The following CSF2RA variants were observed in gnomAD, a reference collection of about 807,000 sequenced individuals.
The protein encoded by CSF2RA is granulocyte-macrophage colony-stimulating factor receptor subunit alpha.
A neutral mutation model predicts 51.6 loss-of-function variants in CSF2RA; 42 were observed. The ratio of observed to expected loss-of-function variants is 0.81; its 90% CI spans 0.64 to 1.05. The LOEUF (loss-of-function observed/expected upper bound fraction) is 1.05, where lower values mean the gene tolerates loss of function less well. CSF2RA is among the 50% of genes least tolerant of loss of function. The pLI, the probability that CSF2RA is intolerant of heterozygous loss-of-function variation, is 0.00. For missense variants in CSF2RA, 530 were observed against 501.1 expected (o/e 1.06, Z -0.55); for synonymous variants, 222 against 193.0 (o/e 1.15, Z -1.24).
At chrX:1,291,522 G>A (rs1309123939) in intron 7 of CSF2RA, among the ~76,000 whole-genome samples, 5 of 151,644 alleles carry the variant, frequency 3.3e-5, no homozygotes, top group African/African-American at 4.8e-5. Context: ...AGTCCCATAT[G>A]CCCACACGCT....
At position 1,309,581 on chromosome X, in the gene CSF2RA, T is replaced by G. The variant is rs781215551; in HGVS notation, c.*102T>G. 2 of 1,613,910 alleles carry G rather than the reference T, an allele frequency of 1.2e-6. No individual in the cohort carries two copies. The highest frequency in any genetic ancestry group is 1.7e-5 in the Admixed American group (1 of 59,996). On this transcript the variant is annotated 3_prime_UTR_variant, in exon 13 of 13. Coordinates refer to ENST00000381529, the MANE Select transcript of CSF2RA (RefSeq NM_172245.4). ...GAACCTTTATATCATTTTCTATGTT[T>G]TTATTTAAAAACATGACATTTGGGG... is the stretch of plus-strand genomic sequence containing the variant.
chrX:1,304,861 C>T (rs757723099), intron 11 of CSF2RA, among the ~76,000 whole-genome samples: 6 of 150,204 alleles, frequency 4.0e-5, no homozygotes, highest in Non-Finnish European at 8.9e-5. Context: ...GATGGGGTTT[C>T]ACCACGTTGG....
chrX:1,317,691 T>C, the CSF2RA span, among the ~76,000 whole-genome samples: 23 of 151,142 alleles, frequency 1.5e-4, no homozygotes, highest in Middle Eastern at 3.4e-3. Context: ...CACAGAAGCC[T>C]TCAGAATGAA....
downstream of CSF2RA, among the ~76,000 whole-genome samples, chrX:1,312,673 T>C (rs1449553929): frequency 6.6e-6 from 1 of 152,128 alleles, no homozygotes; most frequent in Non-Finnish European, 1.5e-5. Flanking sequence ...ACAGGTGGTC[T>C]AGGGCCTACA....
chrX:1,280,416 A>C (rs2089743893), intron 2 of CSF2RA, among the ~76,000 whole-genome samples: 1 of 150,236 alleles, frequency 6.7e-6, no homozygotes, highest in African/African-American at 2.4e-5. Flanking sequence ...GGTTGCAGTG[A>C]GCCAAGATTG....
intron 2 of CSF2RA, among the ~76,000 whole-genome samples, chrX:1,281,501 ACTCCTCCTTCTCTTCCTTCTCCTC>A (rs2090067519): frequency 2.0e-5 from 1 of 50,472 alleles, no homozygotes; most frequent in Non-Finnish European, 4.2e-5. Context: ...TCTTCCTCCT[ACTCCTCCTTCTCTTCCTTCTCCTC>A]CTCCTCCTTC....
chrX:1,286,694 G>A (rs1369036143), intron 4 of CSF2RA, among the ~76,000 whole-genome samples: 2 of 152,312 alleles, frequency 1.3e-5, no homozygotes, highest in South Asian at 2.1e-4. Flanking sequence ...GGAAAGTGCT[G>A]TTAGCTCATG....
At chrX:1,322,508 C>G in the CSF2RA span, among the ~76,000 whole-genome samples, 21 of 134,176 alleles carry the variant, frequency 1.6e-4, no homozygotes, top group Admixed American at 2.5e-4. Context: ...TTTTCTTTCT[C>G]AATGACATCC....
At chrX:1,284,120 G>A (rs1469552710) in intron 3 of CSF2RA, among the ~76,000 whole-genome samples, 26 of 149,926 alleles carry the variant, frequency 1.7e-4, no homozygotes, top group South Asian at 4.2e-4. Flanking sequence ...TTTGGGAAGT[G>A]TGTTCAGAGC....
chrX:1,323,158 T>TATAAAATAAAATAAAATAAAATAAA, the CSF2RA span, among the ~76,000 whole-genome samples: 20,539 of 133,748 alleles, frequency 0.15, 1,766 homozygotes, highest in South Asian at 0.28. Context: ...ACATTACAAT[T>TATAAAATAAAATAAAATAAAATAAA]ATAAAATAAA....
Position 1,304,011 on chromosome X carries a change from C to G in CSF2RA, c.1035C>G (p.Leu345=). Reference sequence around the variant, plus strand: ...TCTGTGGCATCGTCCTCGGCTTCCTCTTTAAAAGGTAACCTGTGAAACACC... The same window carrying G: ...TCTGTGGCATCGTCCTCGGCTTCCTGTTTAAAAGGTAACCTGTGAAACACC... The part of the protein sequence containing the change: ...TLVCGIVLGF[L]FKRFLRIQRL... The change falls in exon 11 of 13, where the codon CTC becomes CTG. Residue 345 remains leucine (L), a synonymous_variant. Transcript: ENST00000381529. 1 of 1,612,500 alleles carries G rather than the reference C, an allele frequency of 6.2e-7. No individual in the cohort carries two copies. Among genetic ancestry groups the G allele is most frequent in the Non-Finnish European group, 8.5e-7 (1 of 1,179,554 alleles).
At chrX:1,286,366 C>T (rs1250992609) in intron 4 of CSF2RA, among the ~76,000 whole-genome samples, 6 of 152,082 alleles carry the variant, frequency 3.9e-5, no homozygotes, top group African/African-American at 1.2e-4. Flanking sequence ...GTCAGGAGTT[C>T]AAGACCAGGC....
chrX:1,269,212 CAATT>C (rs1445215001), intron 1 of CSF2RA, among the ~76,000 whole-genome samples: 1 of 152,112 alleles, frequency 6.6e-6, no homozygotes, highest in Admixed American at 6.6e-5. Context: ...CAGAAAAAAA[CAATT>C]GATTAATGAT....
chrX:1,316,087 A>AGATAG, the CSF2RA span, among the ~76,000 whole-genome samples: 1 of 133,144 alleles, frequency 7.5e-6, no homozygotes, highest in Admixed American at 7.4e-5. Context: ...TAGAATAGAT[A>AGATAG]AATGGATAGA....
downstream of CSF2RA, among the ~76,000 whole-genome samples, chrX:1,310,572 G>A (rs2084126551): frequency 6.6e-6 from 1 of 151,372 alleles, no homozygotes; most frequent in East Asian, 1.9e-4. Context: ...GGAGGCTGAG[G>A]CAGGAGAATG....
the CSF2RA span, among the ~76,000 whole-genome samples, chrX:1,324,575 GGAAA>G: frequency 9.7e-4 from 141 of 144,972 alleles, no homozygotes; most frequent in African/African-American, 2.1e-3. Flanking sequence ...AAGGAAGGAA[GGAAA>G]GAAAGAAAGA....
intron 10 of CSF2RA, among the ~76,000 whole-genome samples, chrX:1,300,959 G>C: frequency 6.6e-6 from 1 of 151,932 alleles, no homozygotes; most frequent in South Asian, 2.1e-4. Context: ...TTTGAGACCA[G>C]CCTGGCCAAC....
chrX:1,313,122 C>T (rs143031916), downstream of CSF2RA, among the ~76,000 whole-genome samples: 300 of 152,134 alleles, frequency 2.0e-3, 1 homozygote, highest in African/African-American at 6.8e-3. Context: ...CAGAGGCCTC[C>T]GGTGTCAAAG....
downstream of CSF2RA, among the ~76,000 whole-genome samples, chrX:1,314,934 ACTTGCCCAACCCCTCTGTG>A (rs1312727121): frequency 9.4e-4 from 78 of 82,670 alleles, 4 homozygotes; most frequent in Middle Eastern, 0.014. Context: ...ACCGCACTGC[ACTTGCCCAACCCCTCTGTG>A]CCTGCCCAAC....
Sources: gnomAD v4.1 joint callset for allele counts (sites outside exome capture counted in the v4.1 genomes callset) on GRCh38, gnomAD v4.1.1 for gene constraint, MANE v1.5 for transcripts, NCBI Gene and HGNC (gene_info 2026-07-23, HGNC 2026-07-21) for gene names.